ARHGAP19: variants seen among roughly 807,000 people sequenced by gnomAD.
The protein encoded by ARHGAP19 is rho GTPase-activating protein 19.
A neutral mutation model predicts 60.9 loss-of-function variants in ARHGAP19; 48 were observed. That is an observed-to-expected ratio of 0.79 (90% CI 0.62 to 1.00). The LOEUF (loss-of-function observed/expected upper bound fraction) is 1.00, where lower values mean the gene tolerates loss of function less well. Ranked by LOEUF, ARHGAP19 falls within the 50% of genes least tolerant of loss-of-function variation. ARHGAP19 has a pLI of 0.00. For synonymous variants in ARHGAP19, 209 were observed against 215.5 expected (o/e 0.97, Z 0.27); for missense variants, 562 against 597.2 (o/e 0.94, Z 0.61).
Position 97,244,046 on chromosome 10 carries a change from C to G in ARHGAP19, c.1107G>C (p.Thr369=), listed in dbSNP as rs775163947. ...CPHQEETQHH[T]EEALRELFQH... ...GAAACAGCTCTCTCAGTGCCTCTTC[C>G]GTATGGTGCTGGGTCTCCTCCTGGT... The change falls in exon 8 of 12, where the codon ACG becomes ACC. Residue 369 remains threonine (T), a synonymous_variant. Transcript: ENST00000358531. The G allele has an allele frequency of 2.5e-6, 4 of 1,613,960 alleles. No individual in the cohort carries two copies. In the South Asian group the frequency reaches 4.4e-5, roughly 18 times the overall value.
chr10:97,260,001 A>G (rs1289086973), intron 4 of ARHGAP19, among the ~76,000 whole-genome samples: 1 of 151,516 alleles, frequency 6.6e-6, no homozygotes, highest in Non-Finnish European at 1.5e-5. Flanking sequence ...ACGCCCGGCT[A>G]ATTTTTTGTA....
chr10:97,252,160 A>G (rs1842692424), intron 6 of ARHGAP19, among the ~76,000 whole-genome samples: 1 of 152,116 alleles, frequency 6.6e-6, no homozygotes, highest in Non-Finnish European at 1.5e-5. Context: ...AAGCAGGAAC[A>G]TAGCAAGACC....
intron 1 of ARHGAP19, among the ~76,000 whole-genome samples, chr10:97,279,136 CCT>C (rs1234509131): frequency 6.6e-6 from 1 of 151,988 alleles, no homozygotes; most frequent in Admixed American, 6.6e-5. Context: ...TGTATTCTTC[CCT>C]CTTTCTATGT....
chr10:97,285,048 A>G (rs1365359596), intron 1 of ARHGAP19, among the ~76,000 whole-genome samples: 1 of 151,506 alleles, frequency 6.6e-6, no homozygotes, highest in Non-Finnish European at 1.5e-5. Context: ...TATTTTTAGT[A>G]GAGACGGGGT....
At chr10:97,240,543 C>T (rs533004456) in intron 8 of ARHGAP19, among the ~76,000 whole-genome samples, 14 of 152,206 alleles carry the variant, frequency 9.2e-5, no homozygotes, top group Admixed American at 3.3e-4. Context: ...CTCAGTTACT[C>T]GGGAGGTTGA....
rs566896265 is a variant in ARHGAP19 at position 97,236,763 on chromosome 10, A to G, written c.1186-1448T>C. The stretch of plus-strand genomic sequence containing the variant: ...AGGGAGGTCGAGGCTGCAGTGAGCC[A>G]TGATTGTGCCACTGCACTCCAGCCT... On this transcript the variant is annotated intron_variant, in intron 8 of 11. Coordinates refer to ENST00000358531, the MANE Select transcript of ARHGAP19 (RefSeq NM_032900.6). Among the ~76,000 whole-genome samples the G allele has an allele frequency of 8.2e-4, 118 of 144,644 alleles. 1 individual carries two copies. The highest frequency in any genetic ancestry group is 1.5e-3 in the Non-Finnish European group (97 of 66,502). The allele number at this position is 144,644 out of a possible 152,430, so 94.9% of individuals were successfully genotyped here. A position where few individuals can be genotyped will look rare whatever the true frequency, so the allele number is the denominator to read the frequency against.
At chr10:97,265,597 C>T in intron 2 of ARHGAP19, 1 of 437,066 alleles carries the variant, frequency 2.3e-6, no homozygotes, top group South Asian at 3.7e-5. Context: ...GCATGAAAAT[C>T]AAGATGCCCC....
intron 9 of ARHGAP19, 149 bp from the exon 10 acceptor site, chr10:97,230,023 CAA>C: frequency 1.7e-6 from 1 of 584,446 alleles, no homozygotes; most frequent in Non-Finnish European, 2.9e-6. Context: ...CCATCTTATA[CAA>C]GAGAGGCCAA....
At chr10:97,291,300 A>G (rs920382497) in intron 1 of ARHGAP19, among the ~76,000 whole-genome samples, 7 of 152,124 alleles carry the variant, frequency 4.6e-5, no homozygotes, top group Admixed American at 6.6e-5. Flanking sequence ...AAAGAGTGGA[A>G]AACTCTTCCA....
At chr10:97,272,346 G>A (rs909291121) in intron 1 of ARHGAP19, among the ~76,000 whole-genome samples, 15 of 151,924 alleles carry the variant, frequency 9.9e-5, no homozygotes, top group African/African-American at 3.4e-4. Context: ...TGTTGCCCAG[G>A]CTGGTCTCGA....
At chr10:97,264,391 T>A (rs945738452) in intron 3 of ARHGAP19, among the ~76,000 whole-genome samples, 22 of 151,032 alleles carry the variant, frequency 1.5e-4, no homozygotes, top group African/African-American at 3.9e-4. Context: ...AGGTCAAGGC[T>A]GCAGTGAGCC....
chr10:97,253,028 T>G (rs1164398094), intron 6 of ARHGAP19, among the ~76,000 whole-genome samples: 2 of 152,096 alleles, frequency 1.3e-5, no homozygotes, highest in Non-Finnish European at 2.9e-5. Context: ...CCGGAGGCTA[T>G]TAAGTGAAAT....
At chr10:97,228,138 A>C (rs1589441185) in intron 11 of ARHGAP19, among the ~76,000 whole-genome samples, 1 of 152,394 alleles carries the variant, frequency 6.6e-6, no homozygotes, top group East Asian at 1.9e-4. Context: ...TAGATAATTC[A>C]TTCAAGGATA....
chr10:97,227,492 T>C (rs920121999), intron 11 of ARHGAP19, among the ~76,000 whole-genome samples: 1 of 151,848 alleles, frequency 6.6e-6, no homozygotes, highest in Non-Finnish European at 1.5e-5. Context: ...AATAAAGATG[T>C]AGTGGAATAG....
At chr10:97,260,446 C>T (rs1030096465) in intron 4 of ARHGAP19, among the ~76,000 whole-genome samples, 5 of 151,714 alleles carry the variant, frequency 3.3e-5, no homozygotes, top group African/African-American at 1.2e-4. Flanking sequence ...AGGAGTATGG[C>T]GTGAACCTGG....
intron 1 of ARHGAP19, among the ~76,000 whole-genome samples, chr10:97,266,756 G>A (rs886279671): frequency 1.3e-5 from 2 of 152,196 alleles, no homozygotes; most frequent in Non-Finnish European, 1.5e-5. Context: ...GCAAGAGAGT[G>A]TGTGAAGGGT....
At chr10:97,254,242 C>T (rs910160852) in intron 6 of ARHGAP19, among the ~76,000 whole-genome samples, 2 of 152,096 alleles carry the variant, frequency 1.3e-5, no homozygotes, top group Non-Finnish European at 2.9e-5. Context: ...AAATGAAGAA[C>T]CAACCTGGAG....
chr10:97,274,166 G>A (rs1271127087), intron 1 of ARHGAP19, among the ~76,000 whole-genome samples: 5 of 152,010 alleles, frequency 3.3e-5, no homozygotes, highest in Non-Finnish European at 7.4e-5. Context: ...AGGCATGAAG[G>A]TATGAAAGAG....
At chr10:97,289,493 A>C (rs1843201534) in intron 1 of ARHGAP19, among the ~76,000 whole-genome samples, 1 of 152,098 alleles carries the variant, frequency 6.6e-6, no homozygotes, top group Non-Finnish European at 1.5e-5. Flanking sequence ...TGATCATGTA[A>C]TTAACTAATA....
Sources: allele counts gnomAD v4.1 joint callset (sites outside exome capture counted in the v4.1 genomes callset), GRCh38; gene constraint gnomAD v4.1.1; transcripts MANE v1.5; gene names NCBI Gene and HGNC (gene_info 2026-07-23, HGNC 2026-07-21).